The following ADGRD2 variants were observed in gnomAD, a reference collection of about 807,000 sequenced individuals.
ADGRD2 encodes G protein-coupled receptor PGR24.
Under a neutral mutation model 44.4 loss-of-function variants are expected in ADGRD2, and 71 were observed. That is an observed-to-expected ratio of 1.60 (90% CI 1.32 to 1.95). The LOEUF (loss-of-function observed/expected upper bound fraction) is 1.95. Ranked by LOEUF, ADGRD2 falls within the 30% of genes most tolerant of loss-of-function variation. The pLI is 0.00. For synonymous variants in ADGRD2, 481 were observed against 224.8 expected (o/e 2.14, Z -10.19); for missense variants, 1,039 against 512.4 (o/e 2.03, Z -9.92).
exon 13 of ADGRD2, chr9:124,468,162 T>G (rs1164051514): frequency 1.4e-6 from 1 of 718,528 alleles, no homozygotes; most frequent in East Asian, 2.7e-5. Flanking sequence ...GGCTTCCTCA[T>G]GACCAGCGAG....
intron 17 of ADGRD2, among the ~76,000 whole-genome samples, chr9:124,474,276 CAAAAAAAA>C (rs397947760): frequency 2.5e-5 from 2 of 80,648 alleles, no homozygotes; most frequent in South Asian, 4.7e-4. Context: ...AACTCTGTCT[CAAAAAAAA>C]AAAAAAAAAA....
chr9:124,476,612 G>C, intron 20 of ADGRD2, 67 bp from the exon 24 acceptor site: 1 of 664,540 alleles, frequency 1.5e-6, no homozygotes, highest in South Asian at 1.6e-5. Flanking sequence ...CTATAGCCAA[G>C]GGTCCCCAGG....
At chr9:124,460,252 A>C (rs942430569) in intron 10 of ADGRD2, among the ~76,000 whole-genome samples, 1 of 144,762 alleles carries the variant, frequency 6.9e-6, no homozygotes, top group Non-Finnish European at 1.5e-5. Flanking sequence ...CCCAGGCTGG[A>C]GTGCAAGTGG....
chr9:124,465,147 C>T (rs972126153), intron 10 of ADGRD2: 7 of 153,064 alleles, frequency 4.6e-5, no homozygotes, highest in African/African-American at 1.7e-4. Context: ...ATCCCCTGGT[C>T]CCTAAAATGC....
chr9:124,475,365 G>A lies in ADGRD2; in HGVS notation c.2759-81G>A, dbSNP rs1054327578. On this transcript the variant is annotated intron_variant, in intron 17 of 21. Coordinates refer to ENST00000334810, the Ensembl canonical transcript of ADGRD2. The stretch of plus-strand genomic sequence containing the variant: ...GCAAGTGTCTCTGCCACTGGGAGGC[G>A]CCGGGACCCCAGGCAAGGCCAGGCT... 54 of 664,282 alleles carry A rather than the reference G, an allele frequency of 8.1e-5. No homozygotes were observed. In the East Asian group the frequency reaches 1.2e-3, roughly 15 times the overall value. 41.1% of individuals were successfully genotyped at this position (664,282 alleles called of 1,614,324 possible). A position where few individuals can be genotyped will look rare whatever the true frequency, so the allele number is the denominator to read the frequency against.
chr9:124,470,696 G>A (rs1831931844), intron 17 of ADGRD2, 82 bp downstream of exon 20: 3 of 629,808 alleles, frequency 4.8e-6, no homozygotes, highest in African/African-American at 3.6e-5. Context: ...TCAGGGCCTG[G>A]GAGGGTGAGC....
At chr9:124,462,362 C>T (rs1024946397) in intron 10 of ADGRD2, among the ~76,000 whole-genome samples, 1 of 152,172 alleles carries the variant, frequency 6.6e-6, no homozygotes, top group Admixed American at 6.5e-5. Context: ...AGCTACCACA[C>T]CCAGCCTTGT....
At chr9:124,451,570 A>C, upstream of ADGRD2, 1 of 289,034 alleles carries the variant, frequency 3.5e-6, no homozygotes, top group Non-Finnish European at 6.8e-6. Context: ...GAAGCAAGGC[A>C]GGATGCCCAG....
At chr9:124,453,493 C>G (rs72616654) in exon 3 of ADGRD2, 399,131 of 699,276 alleles carry the variant, frequency 0.57, 115,182 homozygotes, top group Middle Eastern at 0.69. Context: ...CTCGGTGCGT[C>G]ACGCCCTCAG....
At chr9:124,456,837 C>G (rs1219765203) in intron 7 of ADGRD2, 104 bp downstream of exon 10, 1 of 678,444 alleles carries the variant, frequency 1.5e-6, no homozygotes, top group Non-Finnish European at 2.7e-6. Flanking sequence ...ATTCTATTTC[C>G]TGCCTTTGCC....
intron 10 of ADGRD2, among the ~76,000 whole-genome samples, chr9:124,462,827 G>C (rs1831745537): frequency 6.6e-6 from 1 of 152,100 alleles, no homozygotes; most frequent in Admixed American, 6.6e-5. Context: ...ACTTGCTCAT[G>C]TTGTCTGCCA....
At chr9:124,466,412 A>G (rs1442179923) in exon 11 of ADGRD2, 1 of 709,894 alleles carries the variant, frequency 1.4e-6, no homozygotes, top group Admixed American at 2.0e-5. Context: ...TATGAAGTAC[A>G]GGTGAGTGCA....
chr9:124,467,699 G>T (rs1256932834), intron 11 of ADGRD2, 22 bp from the exon 15 acceptor site: 1 of 718,086 alleles, frequency 1.4e-6, no homozygotes, highest in Non-Finnish European at 2.6e-6. Flanking sequence ...TGCCAGGGGG[G>T]TTTCTCTGTC....
chr9:124,477,046 C>A (rs374520312), intron 21 of ADGRD2: 10 of 586,308 alleles, frequency 1.7e-5, no homozygotes, highest in African/African-American at 1.7e-4. Flanking sequence ...TCCTCCCCCT[C>A]TTTCTGCCCC....
At chr9:124,452,758 C>T (rs1420660235) in intron 2 of ADGRD2, 36 bp downstream of exon 5, 2 of 696,430 alleles carry the variant, frequency 2.9e-6, no homozygotes, top group African/African-American at 3.5e-5. Flanking sequence ...GAGCAAGGGG[C>T]AGAGGCTCTG....
intron 1 of ADGRD2, 145 bp from the exon 5 acceptor site, chr9:124,452,365 A>G (rs1254466438): frequency 1.5e-6 from 1 of 661,258 alleles, no homozygotes; most frequent in Non-Finnish European, 2.8e-6. Flanking sequence ...GCAAGAGGAC[A>G]GGACTCAGCA....
At chr9:124,467,503 C>T (rs1323208100) in intron 11 of ADGRD2, among the ~76,000 whole-genome samples, 2 of 152,128 alleles carry the variant, frequency 1.3e-5, no homozygotes, top group African/African-American at 4.8e-5. Context: ...AGAATCCGGG[C>T]CAGTTGGGGT....
chr9:124,454,963 C>T lies in ADGRD2; in HGVS notation c.1231C>T (p.Leu411=), dbSNP rs1211989152. ...GATGGCTCCCCTGGGGCCGGCCGCA[C>T]TGCTGGCTGTTGTCCGCTTCCTGAA... The change falls in exon 6 of 22, where the codon CTG becomes TTG. Residue 411 remains leucine (L), a synonymous_variant. Transcript: ENST00000334810. The surrounding 1 kb of genome is among the most constrained non-coding windows in gnomAD (Gnocchi z 4.5). The T allele has an allele frequency of 4.2e-6, 3 of 718,266 alleles. No individual in the cohort carries two copies. The South Asian group carries it at 4.4e-5, about 11-fold the overall frequency. 44.5% of individuals were successfully genotyped at this position (718,266 alleles called of 1,614,324 possible).
rs1329276674 is a variant in ADGRD2, at chr9:124,458,609, C to G, written c.1765-7C>G. On this transcript the variant is annotated splice_polypyrimidine_tract_variant and splice_region_variant and intron_variant, in intron 9 of 21. Coordinates refer to ENST00000334810, the Ensembl canonical transcript of ADGRD2. ...GCCACCCTTGAAAGCTCCCATTCTTCCCACAGGTTCCTAAGCACCCAGGTG... is the reference window on the plus strand; with the variant it reads ...GCCACCCTTGAAAGCTCCCATTCTTGCCACAGGTTCCTAAGCACCCAGGTG... 4.2e-6 allele frequency: 3 copies of G among 718,562 alleles called. No individual in the cohort carries two copies. Among genetic ancestry groups the G allele is most frequent in the Non-Finnish European group, 7.8e-6 (3 of 384,902 alleles). The allele number at this position is 718,562 out of a possible 1,614,324, so 44.5% of individuals were successfully genotyped here.
Sources: allele counts gnomAD v4.1 joint callset (sites outside exome capture counted in the v4.1 genomes callset), GRCh38; gene constraint gnomAD v4.1.1; non-coding constraint Gnocchi (gnomAD v3.1); transcripts MANE v1.5; gene names NCBI Gene and HGNC (gene_info 2026-07-23, HGNC 2026-07-21).